Variants in DAAM1 observed in about 807,000 individuals in gnomAD.
The protein encoded by DAAM1 is disheveled-associated activator of morphogenesis 1.
Under a neutral mutation model 130.0 loss-of-function variants are expected in DAAM1, and 52 were observed. That is an observed-to-expected ratio of 0.40 (90% CI 0.32 to 0.50). DAAM1 has a LOEUF of 0.50. DAAM1 is among the 20% of genes least tolerant of loss of function. The probability of loss-of-function intolerance (pLI) is 0.61; values close to 1 mark genes in which losing one functional copy is unlikely to be tolerated. For synonymous variants in DAAM1, 452 were observed against 444.5 expected, an observed-to-expected ratio of 1.02 and a Z score of -0.21; for missense variants, 1,134 against 1,303.8, an observed-to-expected ratio of 0.87 and a Z score of 2.01.
chr14:59,205,506 A>T (rs537010702), intron 1 of DAAM1, among the ~76,000 whole-genome samples: 24 of 152,350 alleles, frequency 1.6e-4, no homozygotes, highest in African/African-American at 5.8e-4. Flanking sequence ...AAGGAAAAAA[A>T]ATTCTTAAAG....
At chr14:59,247,079 A>G (rs529174281) in intron 1 of DAAM1, among the ~76,000 whole-genome samples, 26 of 152,136 alleles carry the variant, frequency 1.7e-4, no homozygotes, top group Non-Finnish European at 3.1e-4. Context: ...ATGATGTAAG[A>G]TAAGGGTCCA....
At chr14:59,293,100 A>G (rs17255548) in intron 3 of DAAM1, among the ~76,000 whole-genome samples, 9,906 of 152,312 alleles carry the variant, frequency 0.065, 419 homozygotes, top group Non-Finnish European at 0.097. Context: ...GGGTATACAC[A>G]GAGGACTTTG....
chr14:59,256,097 A>T (rs1021511233), intron 1 of DAAM1, among the ~76,000 whole-genome samples: 1 of 152,222 alleles, frequency 6.6e-6, no homozygotes, highest in Non-Finnish European at 1.5e-5. Context: ...TGATGGATCA[A>T]TTAAAATAGT....
intron 16 of DAAM1, among the ~76,000 whole-genome samples, chr14:59,344,482 T>C (rs1885988919): frequency 6.6e-6 from 1 of 152,168 alleles, no homozygotes; most frequent in Admixed American, 6.5e-5. Flanking sequence ...ATTACAGAGA[T>C]TAGAGACTGA....
chr14:59,332,894 T>G (rs1003988177), intron 15 of DAAM1, among the ~76,000 whole-genome samples: 1 of 152,070 alleles, frequency 6.6e-6, no homozygotes, highest in Non-Finnish European at 1.5e-5. Context: ...GGGGCTTTCC[T>G]TGGGCTTTAC....
chr14:59,291,083 T>C, intron 2 of DAAM1, 134 bp from the exon 3 acceptor site: 1 of 739,914 alleles, frequency 1.4e-6, no homozygotes. Flanking sequence ...CTAACTTAGC[T>C]TCTTGATCTT....
intron 20 of DAAM1, among the ~76,000 whole-genome samples, chr14:59,356,484 C>T (rs1390175790): frequency 2.0e-5 from 3 of 152,220 alleles, no homozygotes; most frequent in African/African-American, 7.2e-5. Context: ...CTGTTGTCAC[C>T]TGTTGTCAGG....
intron 20 of DAAM1, among the ~76,000 whole-genome samples, chr14:59,356,158 A>AAGAAGCAC (rs1886473319): frequency 3.3e-5 from 5 of 152,198 alleles, no homozygotes; most frequent in African/African-American, 7.2e-5. Context: ...AATTGTTTCT[A>AAGAAGCAC]AGGTAAGCTT....
At chr14:59,348,489 T>C (rs1237701959) in intron 17 of DAAM1, among the ~76,000 whole-genome samples, 1 of 152,194 alleles carries the variant, frequency 6.6e-6, no homozygotes, top group East Asian at 1.9e-4. Flanking sequence ...CTGAATGCTA[T>C]AAGATCGTTC....
Position 59,331,224 on chromosome 14 carries a change from T to C in DAAM1, c.1576T>C (p.Ser526Pro). 1 of 1,612,960 alleles carries C rather than the reference T, an allele frequency of 6.2e-7. No homozygotes were observed. The highest frequency in any genetic ancestry group is 1.1e-5 in the South Asian group (1 of 91,010). Residue 526 changes from serine (S) to proline (P), a missense_variant, in exon 14 of 25, where the codon TCA (serine) becomes CCA (proline). Physicochemically the swap from Ser to Pro is moderately conservative, Grantham distance 74. This residue lies in a region of DAAM1 where 644 missense variants were observed against 695.9 expected (regional missense o/e 0.93). Transcript: ENST00000360909. ...HELSRRAVCA[S>P]IPGGPSPGAP... is the part of the protein sequence containing the mutation. ...ATCTTTTCAGAGGGCCGTCTGTGCT[T>C]CAATCCCAGGTGGACCCTCGCCTGG...
intron 1 of DAAM1, among the ~76,000 whole-genome samples, chr14:59,217,863 T>C (rs1295943918): frequency 6.6e-6 from 1 of 151,966 alleles, no homozygotes; most frequent in Non-Finnish European, 1.5e-5. Flanking sequence ...GGTGGGCACC[T>C]GTAGTCCCAG....
chr14:59,352,262 C>A (rs997453604), intron 17 of DAAM1, among the ~76,000 whole-genome samples: 1 of 152,082 alleles, frequency 6.6e-6, no homozygotes, highest in African/African-American at 2.4e-5. Flanking sequence ...AAAAGAGGTT[C>A]CAGTAGAGAA....
intron 1 of DAAM1, among the ~76,000 whole-genome samples, chr14:59,250,709 G>T (rs546843193): frequency 6.6e-6 from 1 of 152,266 alleles, no homozygotes; most frequent in South Asian, 2.1e-4. Context: ...CATTTATTGA[G>T]CATCTTGTGC....
intron 16 of DAAM1, 37 bp downstream of exon 16, chr14:59,340,217 C>T (rs759280135): frequency 6.3e-7 from 1 of 1,579,100 alleles, no homozygotes; most frequent in Non-Finnish European, 8.7e-7. Flanking sequence ...CTAGTAGGAC[C>T]AACATTTCCA....
intron 17 of DAAM1, among the ~76,000 whole-genome samples, chr14:59,348,554 C>T (rs1886168384): frequency 1.3e-5 from 2 of 152,128 alleles, no homozygotes; most frequent in Admixed American, 1.3e-4. Context: ...TGGTTTTGGT[C>T]AATAAGTCCA....
At chr14:59,224,345 G>A (rs1888870414) in intron 1 of DAAM1, among the ~76,000 whole-genome samples, 2 of 152,208 alleles carry the variant, frequency 1.3e-5, no homozygotes, top group Admixed American at 1.3e-4. Flanking sequence ...GGAAGATATG[G>A]TGGGAATCAT....
intron 4 of DAAM1, among the ~76,000 whole-genome samples, chr14:59,316,081 A>G (rs1346779135): frequency 6.6e-6 from 1 of 152,228 alleles, no homozygotes; most frequent in Admixed American, 6.5e-5. Context: ...TTTGAGCCTT[A>G]GTAGCTTAAA....
intron 1 of DAAM1, among the ~76,000 whole-genome samples, chr14:59,245,190 A>G (rs1157294585): frequency 6.6e-6 from 1 of 152,044 alleles, no homozygotes; most frequent in African/African-American, 2.4e-5. Context: ...TCCCTTTGTT[A>G]TTTTGGGGTC....
intron 1 of DAAM1, among the ~76,000 whole-genome samples, chr14:59,251,455 T>C (rs1881639587): frequency 6.6e-6 from 1 of 151,730 alleles, no homozygotes; most frequent in Non-Finnish European, 1.5e-5. Context: ...TTTTTTCCTT[T>C]AAGTTTGTTG....
Sources: allele counts gnomAD v4.1 joint callset (sites outside exome capture counted in the v4.1 genomes callset), GRCh38; gene constraint gnomAD v4.1.1; regional missense constraint gnomAD v4.1.1; transcripts MANE v1.5; gene names NCBI Gene and HGNC (gene_info 2026-07-23, HGNC 2026-07-21).